ADRA1B: variants seen among roughly 807,000 people sequenced by gnomAD.
The protein encoded by ADRA1B is adrenoceptor alpha 1B, also known as alpha-1B adrenergic receptor.
Under a neutral mutation model 17.9 loss-of-function variants are expected in ADRA1B, and 17 were observed. That is an observed-to-expected ratio of 0.95 (90% confidence interval 0.65 to 1.42). The LOEUF (loss-of-function observed/expected upper bound fraction) is 1.42. Among genes scored for constraint, ADRA1B ranks in the 40% most tolerant of loss-of-function variants. The pLI is 0.00. For synonymous variants in ADRA1B, 366 were observed against 327.6 expected (o/e 1.12, Z -1.27); for missense variants, 681 against 722.1 (o/e 0.94, Z 0.65).
chr5:159,943,797 T>G (rs192015462), intron 1 of ADRA1B, among the ~76,000 whole-genome samples: 2 of 152,200 alleles, frequency 1.3e-5, no homozygotes, highest in African/African-American at 4.8e-5. Context: ...ATGAAACATT[T>G]TCTCATTTTG....
At chr5:159,950,026 CT>C (rs1486751518) in intron 1 of ADRA1B, among the ~76,000 whole-genome samples, 5 of 152,224 alleles carry the variant, frequency 3.3e-5, no homozygotes, top group East Asian at 1.9e-4. Flanking sequence ...GCCTGTCCAT[CT>C]GCTCTGAATG....
intron 1 of ADRA1B, among the ~76,000 whole-genome samples, chr5:159,897,278 G>A (rs1754049640): frequency 1.3e-5 from 2 of 152,162 alleles, no homozygotes; most frequent in African/African-American, 2.4e-5. Context: ...ATGAGGTCAC[G>A]AGTTCAAGAC....
At chr5:159,962,869 G>C (rs1343002831) in intron 1 of ADRA1B, among the ~76,000 whole-genome samples, 1 of 104,814 alleles carries the variant, frequency 9.5e-6, no homozygotes, top group Non-Finnish European at 1.9e-5. Flanking sequence ...TTTACTTTTT[G>C]GCTTGTTTGG....
intron 1 of ADRA1B, among the ~76,000 whole-genome samples, chr5:159,923,045 G>C (rs1693085818): frequency 6.6e-6 from 1 of 152,262 alleles, no homozygotes; most frequent in Non-Finnish European, 1.5e-5. Context: ...TCAGTGAAGG[G>C]GGCTGATAGA....
intron 1 of ADRA1B, among the ~76,000 whole-genome samples, chr5:159,930,624 C>T (rs1053286613): frequency 2.0e-5 from 3 of 152,144 alleles, no homozygotes; most frequent in African/African-American, 4.8e-5. Flanking sequence ...TATACATCTA[C>T]TAATCTGTTA....
chr5:159,908,713 C>T (rs369386467), intron 1 of ADRA1B, among the ~76,000 whole-genome samples: 17 of 152,292 alleles, frequency 1.1e-4, no homozygotes, highest in African/African-American at 3.9e-4. Flanking sequence ...AAGTGTTGTT[C>T]GGAGAATTAA....
chr5:159,988,519 G>C, the ADRA1B span, among the ~76,000 whole-genome samples: 1 of 152,194 alleles, frequency 6.6e-6, no homozygotes, highest in Non-Finnish European at 1.5e-5. Flanking sequence ...GAGATTCTCT[G>C]TATCACTGGC....
chr5:159,903,207 C>T (rs1754122733), intron 1 of ADRA1B, among the ~76,000 whole-genome samples: 1 of 152,134 alleles, frequency 6.6e-6, no homozygotes, highest in Non-Finnish European at 1.5e-5. Flanking sequence ...GGTTCCCACC[C>T]CAAATGTTCA....
intron 1 of ADRA1B, among the ~76,000 whole-genome samples, chr5:159,871,799 T>C (rs886113138): frequency 2.0e-5 from 3 of 152,210 alleles, no homozygotes; most frequent in Admixed American, 6.5e-5. Context: ...ATTGAAGCCC[T>C]GTTTTGACAG....
chr5:159,906,180 G>A (rs1197935425), intron 1 of ADRA1B, among the ~76,000 whole-genome samples: 3 of 152,190 alleles, frequency 2.0e-5, no homozygotes, highest in Non-Finnish European at 4.4e-5. Flanking sequence ...TGAGCCCAGT[G>A]GAGGCAAGAC....
At chr5:159,885,975 A>C (rs1220243403) in intron 1 of ADRA1B, among the ~76,000 whole-genome samples, 1 of 152,328 alleles carries the variant, frequency 6.6e-6, no homozygotes, top group East Asian at 1.9e-4. Flanking sequence ...TAGATGGTAG[A>C]GACTAGATTC....
At position 159,879,821 on chromosome 5, in the gene ADRA1B, C is replaced by A. The variant is rs934311311; in HGVS notation, c.-256+14615C>A. On this transcript the variant is annotated intron_variant, in intron 1 of 2. Transcript: ENST00000641205. ...GACCAACCTGGCCAACATGGTGAGACCCTGTCTCTACTAAAAATACAAAAA... is the reference window on the plus strand; with the variant it reads ...GACCAACCTGGCCAACATGGTGAGAACCTGTCTCTACTAAAAATACAAAAA... 2.0e-5 allele frequency among the ~76,000 whole-genome samples: 3 copies of A among 152,186 alleles called. No homozygotes were observed. In the East Asian group the frequency reaches 5.8e-4, roughly 29 times the overall value.
intron 1 of ADRA1B, among the ~76,000 whole-genome samples, chr5:159,938,505 T>C (rs184172394): frequency 6.6e-6 from 1 of 152,256 alleles, no homozygotes; most frequent in East Asian, 1.9e-4. Context: ...TCCCAGAGAA[T>C]GGGTAATGAG....
At chr5:159,952,600 A>G (rs1328327293) in intron 1 of ADRA1B, among the ~76,000 whole-genome samples, 1 of 151,906 alleles carries the variant, frequency 6.6e-6, no homozygotes, top group East Asian at 1.9e-4. Flanking sequence ...CTTCTCTTAT[A>G]AGTGTCGATT....
At chr5:159,963,309 TCCACACAC>T (rs1755714131) in intron 1 of ADRA1B, among the ~76,000 whole-genome samples, 5 of 148,820 alleles carry the variant, frequency 3.4e-5, no homozygotes, top group South Asian at 2.1e-4. Flanking sequence ...TATATATATA[TCCACACAC>T]ATAAGTATGT....
At chr5:159,971,025 C>A (rs1329054301) in intron 1 of ADRA1B, among the ~76,000 whole-genome samples, 1 of 152,186 alleles carries the variant, frequency 6.6e-6, no homozygotes, top group Non-Finnish European at 1.5e-5. Flanking sequence ...TGGTCTCAAT[C>A]CCTTGGGCTC....
chr5:159,873,245 T>C (rs1337544808), intron 1 of ADRA1B, among the ~76,000 whole-genome samples: 1 of 152,206 alleles, frequency 6.6e-6, no homozygotes, highest in African/African-American at 2.4e-5. Flanking sequence ...TAAGTATGCA[T>C]GTGTCTTTAC....
In ADRA1B at chr5:159,917,079, T is replaced by G. The variant is rs1754335085; in HGVS notation, c.174T>G (p.Phe58Leu). 1 of 1,614,024 alleles carries G rather than the reference T, an allele frequency of 6.2e-7. No homozygotes were observed. ...VGLVLGAFIL[F>L]AIVGNILVIL... ...TGGTGCTGGGCGCCTTCATCCTCTT[T>G]GCCATCGTGGGCAACATCCTAGTCA... The change falls in exon 1 of 2, where the codon TTT (phenylalanine) becomes TTG (leucine). Residue 58 changes from phenylalanine (F) to leucine (L), a missense_variant. By Grantham distance (22) the Phe-to-Leu change is conservative. This residue lies in a region of ADRA1B where 424 missense variants were observed against 480.2 expected (regional missense o/e 0.88). Coordinates refer to ENST00000306675, the MANE Select transcript of ADRA1B (RefSeq NM_000679.4).
chr5:159,972,344 C>T lies in ADRA1B; in HGVS notation c.1415C>T (p.Pro472Leu). 1 of 1,486,284 alleles carries T rather than the reference C, an allele frequency of 6.7e-7. No homozygotes were observed. 92.1% of individuals were successfully genotyped at this position (1,486,284 alleles called of 1,614,324 possible). A position where few individuals can be genotyped will look rare whatever the true frequency, so the allele number is the denominator to read the frequency against. ...PGRRGRHDSG[P>L]LFTFKLLTEP... Reference sequence around the variant, plus strand: ...CGCCGCGGCCGCCACGACTCGGGCCCGCTCTTCACCTTCAAGCTCCTGACC... The same window carrying T: ...CGCCGCGGCCGCCACGACTCGGGCCTGCTCTTCACCTTCAAGCTCCTGACC... The change falls in exon 2 of 2, where the codon CCG becomes CTG. Residue 472 changes from proline (P) to leucine (L), a missense_variant. By Grantham distance (98) the Pro-to-Leu change is moderately conservative. Coordinates refer to ENST00000306675, the MANE Select transcript of ADRA1B (RefSeq NM_000679.4).
Sources: gnomAD v4.1 joint callset for allele counts (sites outside exome capture counted in the v4.1 genomes callset) on GRCh38, gnomAD v4.1.1 for gene constraint, gnomAD v4.1.1 regional missense constraint, MANE v1.5 for transcripts, NCBI Gene and HGNC (gene_info 2026-07-23, HGNC 2026-07-21) for gene names.